Variants in HDAC8 observed in about 807,000 individuals in gnomAD.
HDAC8 encodes the protein histone deacetylase-like 1.
A neutral mutation model predicts 32.2 loss-of-function variants in HDAC8; 1 was observed. That is an observed-to-expected ratio of 0.03 (90% confidence interval 0.01 to 0.15). HDAC8 has a LOEUF of 0.15. HDAC8 is among the 10% of genes least tolerant of loss of function. The pLI is 1.00. For missense variants in HDAC8, 117 were observed against 300.0 expected (o/e 0.39, Z 4.51); for synonymous variants, 108 against 113.9 (o/e 0.95, Z 0.33).
At chrX:72,467,713 A>G in intron 7 of HDAC8, 1 of 321,889 alleles carries the variant, frequency 3.1e-6, no homozygotes, top group Non-Finnish European at 5.3e-6. Flanking sequence ...TTTCCATTTT[A>G]AAGATACTCA....
At chrX:72,517,003 T>C (rs782728582) in intron 4 of HDAC8, among the ~76,000 whole-genome samples, 1 of 112,224 alleles carries the variant, frequency 8.9e-6, no homozygotes, top group Non-Finnish European at 1.9e-5. Flanking sequence ...TTTGAGGAAC[T>C]GCCAAACTGC....
At chrX:72,482,106 A>C (rs1215848420) in intron 7 of HDAC8, among the ~76,000 whole-genome samples, 1 of 111,867 alleles carries the variant, frequency 8.9e-6, no homozygotes, top group Non-Finnish European at 1.9e-5. Context: ...ATTTTATTCA[A>C]CTGGTACTGG....
intron 9 of HDAC8, among the ~76,000 whole-genome samples, chrX:72,413,243 C>G (rs1439726998): frequency 3.8e-5 from 4 of 106,065 alleles, no homozygotes; most frequent in African/African-American, 7.0e-5. Context: ...CATTAAGTAT[C>G]TCTCCTAACG....
chrX:72,464,797 G>T, intron 7 of HDAC8, 66 bp from the exon 8 acceptor site: 1 of 751,833 alleles, frequency 1.3e-6, no homozygotes, highest in Non-Finnish European at 2.0e-6. Context: ...TGGTGGTAGG[G>T]CAAGTTGGAG....
At chrX:72,554,747 G>A (rs918490581) in intron 4 of HDAC8, among the ~76,000 whole-genome samples, 1 of 111,640 alleles carries the variant, frequency 9.0e-6, no homozygotes, top group Admixed American at 9.4e-5. Context: ...TCTGAGCTCA[G>A]ACACACACCT....
At chrX:72,463,332 G>A (rs1453376945) in intron 8 of HDAC8, among the ~76,000 whole-genome samples, 3 of 112,098 alleles carry the variant, frequency 2.7e-5, no homozygotes, top group South Asian at 3.7e-4. Flanking sequence ...ATGCACAAGC[G>A]TTTTCAGGAA....
intron 7 of HDAC8, among the ~76,000 whole-genome samples, chrX:72,471,516 TG>T (rs1393006261): frequency 1.8e-5 from 2 of 112,502 alleles, no homozygotes; most frequent in Non-Finnish European, 3.8e-5. Context: ...TTTTTTGTTT[TG>T]TTTCATTTTA....
intron 9 of HDAC8, among the ~76,000 whole-genome samples, chrX:72,438,246 G>C (rs1399500259): frequency 1.8e-5 from 2 of 112,145 alleles, no homozygotes; most frequent in African/African-American, 6.5e-5. Context: ...ACCTGCAGCA[G>C]AGAGGCCTGA....
intron 10 of HDAC8, among the ~76,000 whole-genome samples, chrX:72,339,982 C>T (rs781934462): frequency 1.8e-5 from 2 of 112,187 alleles, no homozygotes; most frequent in Non-Finnish European, 1.9e-5. Flanking sequence ...GAATTAGAAC[C>T]TGAGGTTGTG....
In HDAC8 at chrX:72,567,869, CAGAA is replaced by C. The variant is rs782461593; in HGVS notation, c.437+16_437+19del. On this transcript the variant is annotated intron_variant, in intron 4 of 10. Coordinates refer to ENST00000373573, the MANE Select transcript of HDAC8 (RefSeq NM_018486.3). ...CTGACTCAAGGAAAGAGTCAGAAAA[CAGAA>C]AGGTCATTTTCTTACTTCTTTGCAT... The C allele has an allele frequency of 5.0e-6, 6 of 1,211,534 alleles. No homozygotes were observed. In the South Asian group the frequency reaches 1.1e-4, roughly 21 times the overall value.
chrX:72,415,269 G>A (rs782254886), intron 9 of HDAC8, among the ~76,000 whole-genome samples: 3 of 111,944 alleles, frequency 2.7e-5, no homozygotes, highest in Admixed American at 9.4e-5. Flanking sequence ...GTCTATTTCT[G>A]GGATCTCTCT....
intron 4 of HDAC8, among the ~76,000 whole-genome samples, chrX:72,557,495 A>G (rs2051322310): frequency 8.9e-6 from 1 of 112,097 alleles, no homozygotes; most frequent in Non-Finnish European, 1.9e-5. Flanking sequence ...AATGAAATCA[A>G]GACAAAAGTT....
chrX:72,489,983 CCAAAAAACACAT>C (rs2048808874), intron 6 of HDAC8, among the ~76,000 whole-genome samples: 1 of 111,696 alleles, frequency 9.0e-6, no homozygotes, highest in African/African-American at 3.3e-5. Flanking sequence ...ATTTATGCAG[CCAAAAAACACAT>C]GAAAAAACGC....
chrX:72,407,432 T>C (rs190856137), intron 9 of HDAC8, among the ~76,000 whole-genome samples: 25 of 112,145 alleles, frequency 2.2e-4, no homozygotes, highest in African/African-American at 7.4e-4. Context: ...CCTGTTCCCC[T>C]TTTTTTCCCT....
chrX:72,536,195 T>G (rs2050519121), intron 4 of HDAC8, among the ~76,000 whole-genome samples: 1 of 112,052 alleles, frequency 8.9e-6, no homozygotes, highest in South Asian at 3.7e-4. Context: ...CTTTTACAGA[T>G]CAAGCTGGTG....
chrX:72,549,303 TC>T (rs202155127), intron 4 of HDAC8, among the ~76,000 whole-genome samples: 2 of 108,027 alleles, frequency 1.9e-5, no homozygotes, highest in Non-Finnish European at 1.9e-5. Flanking sequence ...ATTTGTTTGT[TC>T]CCCCCCCGCC....
chrX:72,442,864 A>G (rs1238080785), intron 9 of HDAC8, among the ~76,000 whole-genome samples: 1 of 110,541 alleles, frequency 9.0e-6, no homozygotes, highest in African/African-American at 3.3e-5. Flanking sequence ...ATGGAAAACA[A>G]AAAAAGGCAG....
intron 9 of HDAC8, among the ~76,000 whole-genome samples, chrX:72,419,594 C>A (rs190177261): frequency 3.9e-4 from 44 of 111,430 alleles, no homozygotes; most frequent in African/African-American, 1.4e-3. Context: ...AATTTGGATG[C>A]CTTTTATTCA....
chrX:72,431,518 C>A (rs1555977419), intron 9 of HDAC8, among the ~76,000 whole-genome samples: 1 of 111,351 alleles, frequency 9.0e-6, no homozygotes. Context: ...TCTTGTACAT[C>A]CTTCTTTTTT....
Sources: allele counts gnomAD v4.1 joint callset (sites outside exome capture counted in the v4.1 genomes callset), GRCh38; gene constraint gnomAD v4.1.1; transcripts MANE v1.5; gene names NCBI Gene and HGNC (gene_info 2026-07-23, HGNC 2026-07-21).